The following NCAM1 variants were observed in gnomAD, a reference collection of about 807,000 sequenced individuals.
NCAM1 encodes antigen recognized by monoclonal antibody 5.1H11.
A neutral mutation model predicts 109.8 loss-of-function variants in NCAM1; 14 were observed. The ratio of observed to expected loss-of-function variants is 0.13; its 90% CI spans 0.08 to 0.20. The LOEUF (loss-of-function observed/expected upper bound fraction) is 0.20. Ranked by LOEUF, NCAM1 falls within the 10% of genes least tolerant of loss-of-function variation. NCAM1 has a pLI of 1.00. For synonymous variants in NCAM1, 418 were observed against 442.9 expected, an observed-to-expected ratio of 0.94 and a Z score of 0.70; for missense variants, 774 against 1,109.9, an observed-to-expected ratio of 0.70 and a Z score of 4.30.
At chr11:113,099,504 T>C (rs1939766872) in intron 1 of NCAM1, among the ~76,000 whole-genome samples, 1 of 152,122 alleles carries the variant, frequency 6.6e-6, no homozygotes, top group South Asian at 2.1e-4. Flanking sequence ...AATAACCTCT[T>C]CAACTAGCTA....
intron 1 of NCAM1, among the ~76,000 whole-genome samples, chr11:113,010,925 T>C (rs1390118821): frequency 1.3e-5 from 2 of 152,048 alleles, no homozygotes; most frequent in Non-Finnish European, 2.9e-5. Flanking sequence ...GATTCATCAT[T>C]GGGGGAGGCC....
intron 1 of NCAM1, among the ~76,000 whole-genome samples, chr11:113,028,655 T>C (rs1555077851): frequency 5.9e-5 from 9 of 152,242 alleles, no homozygotes; most frequent in Non-Finnish European, 2.9e-5. Context: ...ACAGTGTATA[T>C]GCACATTTTA....
At chr11:113,194,374 A>C (rs1248052872) in intron 1 of NCAM1, among the ~76,000 whole-genome samples, 1 of 152,172 alleles carries the variant, frequency 6.6e-6, no homozygotes, top group Non-Finnish European at 1.5e-5. Flanking sequence ...CTCTGTTTGG[A>C]AGAGTCATAG....
intron 1 of NCAM1, among the ~76,000 whole-genome samples, chr11:113,119,684 T>A (rs1940869398): frequency 1.3e-5 from 2 of 152,212 alleles, no homozygotes; most frequent in African/African-American, 4.8e-5. Flanking sequence ...ATTTCTTTCC[T>A]ATTTTTCTTC....
intron 1 of NCAM1, among the ~76,000 whole-genome samples, chr11:113,072,388 A>G (rs749281125): frequency 9.2e-5 from 14 of 152,198 alleles, no homozygotes; most frequent in Non-Finnish European, 1.5e-4. Context: ...AATGCAACAA[A>G]TGTTTATTTT....
At chr11:113,199,953 G>A (rs1184220754) in intron 1 of NCAM1, among the ~76,000 whole-genome samples, 3 of 151,822 alleles carry the variant, frequency 2.0e-5, no homozygotes, top group Admixed American at 6.6e-5. Context: ...GATCCTGGCC[G>A]CATTTGGATA....
chr11:113,067,138 G>A (rs1555084382), intron 1 of NCAM1, among the ~76,000 whole-genome samples: 1 of 152,116 alleles, frequency 6.6e-6, no homozygotes, highest in African/African-American at 2.4e-5. Flanking sequence ...GAGAGGCTGT[G>A]TTTCCTCCTT....
Position 113,271,867 on chromosome 11 carries a change from C to G in NCAM1, c.2447C>G (p.Thr816Arg). 6.4e-7 allele frequency: 1 copy of G among 1,565,194 alleles called. No individual in the cohort carries two copies. Among genetic ancestry groups the G allele is most frequent in the South Asian group, 1.2e-5 (1 of 84,636 alleles). ...GAGCCCAACGAGACCACGCCACTGACGGAGCCCGAGTACGTGGGCTGGGAG... is the reference window on the plus strand; with the variant it reads ...GAGCCCAACGAGACCACGCCACTGAGGGAGCCCGAGTACGTGGGCTGGGAG... ...HTEPNETTPL[T>R]EPEKGPVEAK... Residue 816 changes from threonine (T) to arginine (R), a missense_variant, in exon 19 of 20, where the codon ACG (threonine) becomes AGG (arginine). By Grantham distance (71) the Thr-to-Arg change is moderately conservative (BLOSUM62 -1). This residue lies in a region of NCAM1 where 122 missense variants were observed against 129.7 expected (regional missense o/e 0.94). Transcript: ENST00000316851.
Position 113,233,461 on chromosome 11 carries a change from T to G in NCAM1, c.1693+144T>G. 1.1e-6 allele frequency: 1 copy of G among 913,004 alleles called. No individual in the cohort carries two copies. The highest frequency in any genetic ancestry group is 1.6e-6 in the Non-Finnish European group (1 of 611,380). 56.6% of individuals were successfully genotyped at this position (913,004 alleles called of 1,614,324 possible). On this transcript the variant is annotated intron_variant, in intron 13 of 19. Transcript: ENST00000316851. The surrounding 1 kb of genome is among the most constrained non-coding windows in gnomAD (Gnocchi z 4.5). Reference sequence around the variant, plus strand: ...TCAAAGTCATATCTGCCTGTAGAGTTGTTGCCCCTATTGCCACCCCAACCC... The same window carrying G: ...TCAAAGTCATATCTGCCTGTAGAGTGGTTGCCCCTATTGCCACCCCAACCC...
chr11:113,207,305 G>T lies in NCAM1; in HGVS notation c.673G>T (p.Ala225Ser). Residue 225 changes from alanine to serine, a missense_variant, in exon 6 of 20, where the codon GCC (alanine) becomes TCC (serine). By Grantham distance (99) the Ala-to-Ser change is moderately conservative (BLOSUM62 1). Coordinates refer to ENST00000316851, the MANE Select transcript of NCAM1 (RefSeq NM_181351.5). ...QARQNIVNAT[A>S]NLGQSVTLVC... is the part of the protein sequence containing the mutation. The stretch of plus-strand genomic sequence containing the variant: ...CAGGCAGAATATTGTGAATGCCACC[G>T]CCAACCTCGGCCAGTCCGTCACCCT... 2.5e-6 allele frequency: 4 copies of T among 1,613,916 alleles called. No homozygotes were observed. Among genetic ancestry groups the T allele is most frequent in the Non-Finnish European group, 3.4e-6 (4 of 1,179,870 alleles).
chr11:113,056,614 G>A (rs2135450285), intron 1 of NCAM1, among the ~76,000 whole-genome samples: 1 of 152,180 alleles, frequency 6.6e-6, no homozygotes, highest in East Asian at 1.9e-4. Flanking sequence ...ACTGGGGGAG[G>A]CATCCAGCTG....
At chr11:113,117,655 A>G (rs1482879389) in intron 1 of NCAM1, among the ~76,000 whole-genome samples, 2 of 152,058 alleles carry the variant, frequency 1.3e-5, no homozygotes, top group East Asian at 3.8e-4. Flanking sequence ...GGAAAACGAA[A>G]TTGTGTATGA....
chr11:113,069,654 A>G (rs1403268315), intron 1 of NCAM1, among the ~76,000 whole-genome samples: 1 of 152,186 alleles, frequency 6.6e-6, no homozygotes, highest in African/African-American at 2.4e-5. Flanking sequence ...CTCAAGCAAC[A>G]TTGTTCTAAG....
At chr11:113,186,764 G>T (rs1405858197) in intron 1 of NCAM1, among the ~76,000 whole-genome samples, 1 of 152,236 alleles carries the variant, frequency 6.6e-6, no homozygotes, top group Non-Finnish European at 1.5e-5. Context: ...CAGCTGATCA[G>T]GGTCTCATGG....
chr11:113,092,709 A>G (rs550631226), intron 1 of NCAM1, among the ~76,000 whole-genome samples: 1 of 152,320 alleles, frequency 6.6e-6, no homozygotes, highest in Non-Finnish European at 1.5e-5. Flanking sequence ...CTACAGAATC[A>G]AGATTGTATG....
rs1405890273 is a variant in NCAM1 at position 113,098,848 on chromosome 11, C to T, written c.53-103531C>T. On this transcript the variant is annotated intron_variant, in intron 1 of 19. Coordinates refer to ENST00000316851, the MANE Select transcript of NCAM1 (RefSeq NM_181351.5). ...AATATAGGTTGGGCAGGTCTATGACCATGGGAATCAGAAGCATGGGAGAAT... is the reference window on the plus strand; with the variant it reads ...AATATAGGTTGGGCAGGTCTATGACTATGGGAATCAGAAGCATGGGAGAAT... Among the ~76,000 whole-genome samples, 4 of 152,136 alleles carry T rather than the reference C, an allele frequency of 2.6e-5. No individual in the cohort carries two copies. In the East Asian group the frequency reaches 7.7e-4, roughly 29 times the overall value.
chr11:112,989,078 C>T (rs1261957188), intron 1 of NCAM1, among the ~76,000 whole-genome samples: 5 of 152,054 alleles, frequency 3.3e-5, no homozygotes, highest in Non-Finnish European at 4.4e-5. Flanking sequence ...TAATGTGCCT[C>T]GGAATGTTCT....
chr11:113,207,707 A>T, intron 6 of NCAM1, 126 bp from the exon 7 acceptor site: 1 of 1,065,948 alleles, frequency 9.4e-7, no homozygotes, highest in Non-Finnish European at 1.3e-6. Flanking sequence ...TTGGTGCCTT[A>T]ACTTTTTGTG....
At chr11:113,145,767 T>A (rs1941994948) in intron 1 of NCAM1, among the ~76,000 whole-genome samples, 1 of 151,786 alleles carries the variant, frequency 6.6e-6, no homozygotes, top group South Asian at 2.1e-4. Context: ...ACCCCCACTT[T>A]CCTCCACCCC....
Sources: gnomAD v4.1 joint callset for allele counts (sites outside exome capture counted in the v4.1 genomes callset) on GRCh38, gnomAD v4.1.1 for gene constraint, gnomAD v4.1.1 regional missense constraint, Gnocchi (gnomAD v3.1) non-coding constraint, MANE v1.5 for transcripts, NCBI Gene and HGNC (gene_info 2026-07-23, HGNC 2026-07-21) for gene names.